IGSF9B: variants seen among roughly 807,000 people sequenced by gnomAD.
The protein encoded by IGSF9B is protein turtle homolog B.
In IGSF9B, 48 loss-of-function variants were observed where a neutral mutation model predicts 143.7. That is an observed-to-expected ratio of 0.33 (90% CI 0.26 to 0.42). The LOEUF (loss-of-function observed/expected upper bound fraction) is 0.42. Among genes scored for constraint, IGSF9B ranks in the 20% least tolerant of loss-of-function variants. The pLI is 1.00. For synonymous variants in IGSF9B, 903 were observed against 833.1 expected (o/e 1.08, Z -1.44); for missense variants, 1,706 against 1,980.0 (o/e 0.86, Z 2.63).
Position 133,896,550 on chromosome 11 carries a change from A to G in IGSF9B, c.*12519T>C, listed in dbSNP as rs1313854675. ...TCTTTTCATCAGTTTAACTTGCAAC[A>G]CTCCCGGGGTACCTGCACTGGCTGC... On this transcript the variant is annotated 3_prime_UTR_variant, in exon 20 of 20. Coordinates refer to ENST00000533871, the MANE Select transcript of IGSF9B (RefSeq NM_001277285.4). 6.6e-6 allele frequency: 1 copy of G among 152,080 alleles called. No individual in the cohort carries two copies. Among genetic ancestry groups the G allele is most frequent in the East Asian group, 1.9e-4 (1 of 5,192 alleles). 9.4% of individuals were successfully genotyped at this position (152,080 alleles called of 1,614,324 possible). A position where few individuals can be genotyped will look rare whatever the true frequency, so the allele number is the denominator to read the frequency against.
rs533931875 is a variant in IGSF9B, at chr11:133,908,912, G to C, written c.*157C>G. On this transcript the variant is annotated 3_prime_UTR_variant, in exon 20 of 20. Coordinates refer to ENST00000533871, the MANE Select transcript of IGSF9B (RefSeq NM_001277285.4). ...CTCCGTCCTGAAGACAGGCGGCCAG[G>C]ATCTGGAGGGAGACACCCGCTCTGG... 1 of 645,964 alleles carries C rather than the reference G, an allele frequency of 1.5e-6. No homozygotes were observed. Among genetic ancestry groups the C allele is most frequent in the Non-Finnish European group, 2.7e-6 (1 of 376,792 alleles). The allele number at this position is 645,964 out of a possible 1,614,324, so 40.0% of individuals were successfully genotyped here.
At chr11:133,941,854 G>A (rs1939960664) in intron 3 of IGSF9B, among the ~76,000 whole-genome samples, 1 of 152,236 alleles carries the variant, frequency 6.6e-6, no homozygotes, top group African/African-American at 2.4e-5. Context: ...ACCTGCACGT[G>A]ACGAACTCCC....
chr11:133,929,578 C>T, intron 12 of IGSF9B, 93 bp downstream of exon 12: 1 of 902,926 alleles, frequency 1.1e-6, no homozygotes, highest in South Asian at 1.5e-5. Flanking sequence ...CAGCCTCCTC[C>T]TACCTCCCCC....
At position 133,902,944 on chromosome 11, in the gene IGSF9B, A is replaced by G. The variant is rs1270084088; in HGVS notation, c.*6125T>C. 6.6e-6 allele frequency among the ~76,000 whole-genome samples: 1 copy of G among 152,098 alleles called. No individual in the cohort carries two copies. The highest frequency in any genetic ancestry group is 2.4e-5 in the African/African-American group (1 of 41,414). ...GGCACTCGCCCCTCCCATGGCTTAT[A>G]TGAAAACCCCACACGTGCATGCCCG... On this transcript the variant is annotated 3_prime_UTR_variant, in exon 20 of 20. Transcript: ENST00000533871.
In IGSF9B at chr11:133,913,110, C is replaced by T. The variant is rs1472131354; in HGVS notation, c.3984-1103G>A. Reference sequence around the variant, plus strand: ...AGAAAAAGACAGGTCACTCTGTCTTCCCACCAGCGCTGGCATTAGCACGTG... The same window carrying T: ...AGAAAAAGACAGGTCACTCTGTCTTTCCACCAGCGCTGGCATTAGCACGTG... On this transcript the variant is annotated intron_variant, in intron 18 of 19. Transcript: ENST00000533871. The surrounding 1 kb of genome is among the most constrained non-coding windows in gnomAD (Gnocchi z 4.6). 1.3e-5 allele frequency among the ~76,000 whole-genome samples: 2 copies of T among 152,170 alleles called. No homozygotes were observed. Among genetic ancestry groups the T allele is most frequent in the Non-Finnish European group, 2.9e-5 (2 of 68,028 alleles).
At chr11:133,922,108 A>C in intron 17 of IGSF9B, 69 bp downstream of exon 17, 1 of 1,305,130 alleles carries the variant, frequency 7.7e-7, no homozygotes, top group East Asian at 2.4e-5. Flanking sequence ...GGGCTGGGTA[A>C]GGCGAGCGGT....
chr11:133,956,573 A>C, intron 1 of IGSF9B, 118 bp downstream of exon 1: 27 of 616,716 alleles, frequency 4.4e-5, no homozygotes, highest in Admixed American at 9.4e-5. Context: ...CACCCGCGGG[A>C]AGGCGCGCCG....
Position 133,919,859 on chromosome 11 carries a change from G to A in IGSF9B, c.3866C>T (p.Pro1289Leu), listed in dbSNP as rs768379934. The A allele has an allele frequency of 5.0e-6, 8 of 1,588,074 alleles. No homozygotes were observed. The African/African-American group carries it at 8.1e-5, about 16-fold the overall frequency. The change falls in exon 18 of 20, where the codon CCC becomes CTC. Residue 1289 changes from proline to leucine, a missense_variant. Pro to Leu is a moderately conservative substitution (Grantham distance 98, BLOSUM62 -3). This residue lies in a region of IGSF9B where 880 missense variants were observed against 762.9 expected (regional missense o/e 1.15). Coordinates refer to ENST00000533871, the MANE Select transcript of IGSF9B (RefSeq NM_001277285.4). ...ATGYPSPPPG[P>L]APAGPGDSLD... ...GCTGTCCCCAGGCCCAGCAGGGGCG[G>A]GGCCGGGTGGAGGGGAAGGGTAGCC...
rs1939221039 is a variant in IGSF9B at position 133,907,103 on chromosome 11, G to T, written c.*1966C>A. On this transcript the variant is annotated 3_prime_UTR_variant, in exon 20 of 20. Transcript: ENST00000533871. ...GGAAGGCCCAGGTTCCACCCCAAGG[G>T]TGCACGGCCCAGTCTCAGAAGCCCC... Among the ~76,000 whole-genome samples the T allele has an allele frequency of 6.6e-6, 1 of 152,138 alleles. No individual in the cohort carries two copies. Among genetic ancestry groups the T allele is most frequent in the South Asian group, 2.1e-4 (1 of 4,808 alleles).
At chr11:133,924,675 C>A in intron 15 of IGSF9B, 145 bp downstream of exon 15, 1 of 665,426 alleles carries the variant, frequency 1.5e-6, no homozygotes, top group Non-Finnish European at 2.7e-6. Flanking sequence ...TTAAGAAAGG[C>A]TATGACTCAC....
At chr11:133,952,507 A>G (rs1317511256) in intron 1 of IGSF9B, among the ~76,000 whole-genome samples, 2 of 152,232 alleles carry the variant, frequency 1.3e-5, no homozygotes, top group African/African-American at 4.8e-5. Flanking sequence ...TCTGCACACT[A>G]ACTTCCCCAC....
At chr11:133,954,105 C>A (rs1006239588) in intron 1 of IGSF9B, among the ~76,000 whole-genome samples, 7 of 152,174 alleles carry the variant, frequency 4.6e-5, no homozygotes, top group Non-Finnish European at 7.3e-5. Flanking sequence ...CCAGAAGTCA[C>A]CTCTGCCAGT....
At chr11:133,919,643 C>CCCTGTCG in intron 18 of IGSF9B, 99 bp downstream of exon 18, 1 of 794,200 alleles carries the variant, frequency 1.3e-6, no homozygotes, top group Non-Finnish European at 1.8e-6. Flanking sequence ...TCCGCACGAG[C>CCCTGTCG]CCTGTCGCCG....
rs888096158 is a variant in IGSF9B at position 133,909,858 on chromosome 11, G to A, written c.4106-581C>T. 6.6e-6 allele frequency among the ~76,000 whole-genome samples: 1 copy of A among 152,176 alleles called. No homozygotes were observed. Among genetic ancestry groups the A allele is most frequent in the African/African-American group, 2.4e-5 (1 of 41,444 alleles). ...AAACTGTCAAGACTTTAAAAACACAGAAATAAAATTTGCAGTTACTGAAAA... is the reference window on the plus strand; with the variant it reads ...AAACTGTCAAGACTTTAAAAACACAAAAATAAAATTTGCAGTTACTGAAAA... On this transcript the variant is annotated intron_variant, in intron 19 of 19. Coordinates refer to ENST00000533871, the MANE Select transcript of IGSF9B (RefSeq NM_001277285.4). This position sits in a 1 kb window ranked among gnomAD's most constrained non-coding sequence, Gnocchi z 4.2.
At position 133,935,908 on chromosome 11, in the gene IGSF9B, G is replaced by A. The variant is rs867630856; in HGVS notation, c.821+145C>T. ...GCCCCTCCATGCAGACCCTGGCCTTGGCATGTGAGACACACGGACCAGACT... is the reference window on the plus strand; with the variant it reads ...GCCCCTCCATGCAGACCCTGGCCTTAGCATGTGAGACACACGGACCAGACT... On this transcript the variant is annotated intron_variant, in intron 6 of 19. Transcript: ENST00000533871. The A allele has an allele frequency of 3.5e-5, 48 of 1,381,462 alleles. No individual in the cohort carries two copies. The Middle Eastern group carries it at 7.8e-3, about 223-fold the overall frequency. 85.6% of individuals were successfully genotyped at this position (1,381,462 alleles called of 1,614,324 possible).
At chr11:133,940,935 G>A (rs1270678112) in intron 3 of IGSF9B, among the ~76,000 whole-genome samples, 3 of 152,184 alleles carry the variant, frequency 2.0e-5, no homozygotes, top group Non-Finnish European at 2.9e-5. Context: ...GCTTATCTCC[G>A]ACACAGCCCC....
At position 133,896,450 on chromosome 11, in the gene IGSF9B, T is replaced by C. The variant is rs1402398710; in HGVS notation, c.*12619A>G. The C allele has an allele frequency of 6.6e-6, 1 of 152,150 alleles. No individual in the cohort carries two copies. Among genetic ancestry groups the C allele is most frequent in the Non-Finnish European group, 1.5e-5 (1 of 68,026 alleles). 9.4% of individuals were successfully genotyped at this position (152,150 alleles called of 1,614,324 possible). On this transcript the variant is annotated 3_prime_UTR_variant, in exon 20 of 20. Transcript: ENST00000533871. ...TTAGAAAATGAACTTTTTTAGCAAA[T>C]GTTTATTTATATCAAAATACAAAAC...
At chr11:133,954,548 A>G (rs969001731) in intron 1 of IGSF9B, among the ~76,000 whole-genome samples, 3 of 152,220 alleles carry the variant, frequency 2.0e-5, no homozygotes, top group Admixed American at 2.0e-4. Context: ...TTTACTGAGC[A>G]CGTACTATAT....
At chr11:133,952,102 C>G (rs1219374988) in intron 1 of IGSF9B, 1 of 453,354 alleles carries the variant, frequency 2.2e-6, no homozygotes, top group Non-Finnish European at 4.4e-6. Flanking sequence ...CTGGCGCACT[C>G]GGACTCTTTC....
Sources: allele counts gnomAD v4.1 joint callset (sites outside exome capture counted in the v4.1 genomes callset), GRCh38; gene constraint gnomAD v4.1.1; regional missense constraint gnomAD v4.1.1; non-coding constraint Gnocchi (gnomAD v3.1); transcripts MANE v1.5; gene names NCBI Gene and HGNC (gene_info 2026-07-23, HGNC 2026-07-21).